The following EGFR variants were observed in gnomAD, a reference collection of about 807,000 sequenced individuals.
The protein encoded by EGFR is avian erythroblastic leukemia viral (v-erb-b) oncogene homolog.
Under a neutral mutation model 143.0 loss-of-function variants are expected in EGFR, and 58 were observed. The ratio of observed to expected loss-of-function variants is 0.41; its 90% CI spans 0.33 to 0.50. EGFR has a LOEUF of 0.50. Among genes scored for constraint, EGFR ranks in the 20% least tolerant of loss-of-function variants. The probability of loss-of-function intolerance (pLI) is 0.39; values close to 1 mark genes in which losing one functional copy is unlikely to be tolerated. For missense variants in EGFR, 1,307 were observed against 1,579.0 expected, an observed-to-expected ratio of 0.83 and a Z score of 2.92; for synonymous variants, 613 against 594.4, an observed-to-expected ratio of 1.03 and a Z score of -0.45.
chr7:55,027,986 A>AT (rs1562650222), intron 1 of EGFR, among the ~76,000 whole-genome samples: 3 of 88,662 alleles, frequency 3.4e-5, no homozygotes, highest in African/African-American at 1.5e-4. Context: ...AAAAAAAAAA[A>AT]AAAAAATATA....
intron 19 of EGFR, among the ~76,000 whole-genome samples, chr7:55,175,515 T>A (rs1051596003): frequency 2.0e-5 from 3 of 152,090 alleles, no homozygotes; most frequent in Non-Finnish European, 2.9e-5. Flanking sequence ...CTGGCTGGAG[T>A]CTGACAGAGC....
At chr7:55,150,315 A>G (rs1414715993) in intron 4 of EGFR, among the ~76,000 whole-genome samples, 1 of 152,052 alleles carries the variant, frequency 6.6e-6, no homozygotes, top group African/African-American at 2.4e-5. Context: ...CTCTCTGCCT[A>G]CCTCCTCACA....
Position 55,205,399 on chromosome 7 carries a change from C to T in EGFR, c.3415C>T (p.Leu1139Phe), listed in dbSNP as rs1473630143. 1.2e-6 allele frequency: 2 copies of T among 1,614,156 alleles called. No individual in the cohort carries two copies. The highest frequency in any genetic ancestry group is 3.3e-5 in the Admixed American group (2 of 60,030). Residue 1139 changes from leucine to phenylalanine, a missense_variant, in exon 28 of 28, where the codon CTC becomes TTC. Leu to Phe is a conservative substitution (Grantham distance 22). This residue lies in a region of EGFR where 313 missense variants were observed against 312.3 expected (regional missense o/e 1.00). Transcript: ENST00000275493. ...CACTGCAGTGGGCAACCCCGAGTAT[C>T]TCAACACTGTCCAGCCCACCTGTGT... ...HSTAVGNPEY[L>F]NTVQPTCVNS...
intron 1 of EGFR, among the ~76,000 whole-genome samples, chr7:55,058,845 A>T (rs966525536): frequency 6.6e-5 from 10 of 152,232 alleles, no homozygotes; most frequent in Admixed American, 5.9e-4. Flanking sequence ...AAAAATTTTT[A>T]AAAAGATGCT....
At chr7:55,028,009 T>A (rs1030401478) in intron 1 of EGFR, among the ~76,000 whole-genome samples, 3 of 133,768 alleles carry the variant, frequency 2.2e-5, no homozygotes, top group Non-Finnish European at 3.1e-5. Flanking sequence ...TATATATATA[T>A]ATATATATAT....
At position 55,089,210 on chromosome 7, in the gene EGFR, A is replaced by T. The variant is rs545871961; in HGVS notation, c.89-53076A>T. Among the ~76,000 whole-genome samples the T allele has an allele frequency of 2.6e-5, 4 of 152,218 alleles. No homozygotes were observed. The East Asian group carries it at 7.7e-4, about 29-fold the overall frequency. ...AGCTTTTTGAACTGAAGTACGTGTA[A>T]GTCAGCCTATGCATGTAATGGCTCC... On this transcript the variant is annotated intron_variant, in intron 1 of 27. Coordinates refer to ENST00000275493, the MANE Select transcript of EGFR (RefSeq NM_005228.5).
chr7:55,085,223 C>T (rs1175189263), intron 1 of EGFR, among the ~76,000 whole-genome samples: 1 of 152,224 alleles, frequency 6.6e-6, no homozygotes, highest in East Asian at 1.9e-4. Context: ...CCAACTGATG[C>T]CAGCAGACAC....
At chr7:55,025,168 T>G (rs1786808669) in intron 1 of EGFR, among the ~76,000 whole-genome samples, 1 of 152,184 alleles carries the variant, frequency 6.6e-6, no homozygotes, top group African/African-American at 2.4e-5. Context: ...GAAGTGACTG[T>G]GAACTGACAT....
intron 1 of EGFR, among the ~76,000 whole-genome samples, chr7:55,033,875 A>G (rs2128864917): frequency 6.6e-6 from 1 of 152,266 alleles, no homozygotes; most frequent in Admixed American, 6.5e-5. Context: ...GTCCTGGGCC[A>G]GTTTTGATAA....
At position 55,155,942 on chromosome 7, in the gene EGFR, C is replaced by T. The variant is rs2128937606; in HGVS notation, c.1002C>T (p.Arg334=). 1 of 1,611,996 alleles carries T rather than the reference C, an allele frequency of 6.2e-7. No homozygotes were observed. The change falls in exon 8 of 28, where the codon CGC becomes CGT. Residue 334 remains arginine, a synonymous_variant. Coordinates refer to ENST00000275493, the MANE Select transcript of EGFR (RefSeq NM_005228.5). ...GTAAGAAGTGCGAAGGGCCTTGCCG[C>T]AAAGGTAGGAAGCCCGCCGGTGTGC... ...RKCKKCEGPC[R]KVCNGIGIGE...
intron 5 of EGFR, 52 bp downstream of exon 5, chr7:55,151,414 C>T (rs773472875): frequency 6.3e-7 from 1 of 1,577,852 alleles, no homozygotes; most frequent in Non-Finnish European, 8.7e-7. Flanking sequence ...TCTCTTCCTT[C>T]ACTTGCTTAG....
intron 1 of EGFR, among the ~76,000 whole-genome samples, chr7:55,069,263 C>T (rs1178189842): frequency 1.3e-5 from 2 of 152,056 alleles, no homozygotes; most frequent in African/African-American, 4.8e-5. Flanking sequence ...TCGAGGTGGC[C>T]CTTGAGTGCC....
At chr7:55,153,790 G>A (rs1196617163) in intron 6 of EGFR, among the ~76,000 whole-genome samples, 1 of 152,118 alleles carries the variant, frequency 6.6e-6, no homozygotes, top group Non-Finnish European at 1.5e-5. Context: ...AATTATGATA[G>A]GTGGGACAGT....
chr7:55,044,309 G>A (rs1207192518), intron 1 of EGFR, among the ~76,000 whole-genome samples: 1 of 152,218 alleles, frequency 6.6e-6, no homozygotes, highest in Admixed American at 6.5e-5. Flanking sequence ...GCCCAAGGGT[G>A]AAAGTGTGTT....
intron 1 of EGFR, among the ~76,000 whole-genome samples, chr7:55,093,572 C>A (rs1791263996): frequency 6.6e-6 from 1 of 152,208 alleles, no homozygotes; most frequent in Non-Finnish European, 1.5e-5. Flanking sequence ...AGCCCTACTT[C>A]CCTTGTCCTT....
At chr7:55,158,826 G>A (rs373573847) in intron 11 of EGFR, among the ~76,000 whole-genome samples, 52 of 152,294 alleles carry the variant, frequency 3.4e-4, no homozygotes, top group African/African-American at 1.2e-3. Context: ...GGGCATATGT[G>A]GGGGAGAATT....
chr7:55,090,849 C>T (rs1382079143), intron 1 of EGFR, among the ~76,000 whole-genome samples: 1 of 152,170 alleles, frequency 6.6e-6, no homozygotes, highest in African/African-American at 2.4e-5. Context: ...GGAAGAAATC[C>T]TCATTTTAAC....
In EGFR at chr7:55,143,414, A is replaced by G. The variant is rs2128927408; in HGVS notation, c.350A>G (p.Tyr117Cys). Residue 117 changes from tyrosine to cysteine, a missense_variant, in exon 3 of 28, where the codon TAT (tyrosine) becomes TGT (cysteine). This residue lies in a region of EGFR where 311 missense variants were observed against 412.3 expected (regional missense o/e 0.75). Coordinates refer to ENST00000275493, the MANE Select transcript of EGFR (RefSeq NM_005228.5). ...GGAAATATGTACTACGAAAATTCCT[A>G]TGCCTTAGCAGTCTTATCTAACTAT... ...IRGNMYYENS[Y>C]ALAVLSNYDA... 2 of 1,614,258 alleles carry G rather than the reference A, an allele frequency of 1.2e-6. No individual in the cohort carries two copies. Among genetic ancestry groups the G allele is most frequent in the Non-Finnish European group, 1.7e-6 (2 of 1,180,048 alleles).
At chr7:55,105,888 G>A (rs777260150) in intron 1 of EGFR, among the ~76,000 whole-genome samples, 1 of 152,166 alleles carries the variant, frequency 6.6e-6, no homozygotes, top group Non-Finnish European at 1.5e-5. Context: ...TATTTGATAA[G>A]CTTTTAGAAA....
Sources: gnomAD v4.1 joint callset for allele counts (sites outside exome capture counted in the v4.1 genomes callset) on GRCh38, gnomAD v4.1.1 for gene constraint, gnomAD v4.1.1 regional missense constraint, MANE v1.5 for transcripts, NCBI Gene and HGNC (gene_info 2026-07-23, HGNC 2026-07-21) for gene names.